Variants in SEPTIN11 observed in about 807,000 individuals in gnomAD.
The protein encoded by SEPTIN11 is septin-11.
SEPTIN11 carries 25 observed loss-of-function variants against 51.4 expected under a neutral mutation model. That is an observed-to-expected ratio of 0.49 (90% CI 0.35 to 0.68). The LOEUF is 0.68. Ranked by LOEUF, SEPTIN11 falls within the 30% of genes least tolerant of loss-of-function variation. The pLI, the probability that SEPTIN11 is intolerant of heterozygous loss-of-function variation, is 0.00. For missense variants in SEPTIN11, 381 were observed against 520.8 expected (o/e 0.73, Z 2.61); for synonymous variants, 174 against 184.1 (o/e 0.95, Z 0.44).
In SEPTIN11 at chr4:77,036,036, T is replaced by G; in HGVS notation, c.*1524T>G. 1.0e-6 allele frequency: 1 copy of G among 985,958 alleles called. No individual in the cohort carries two copies. Among genetic ancestry groups the G allele is most frequent in the Non-Finnish European group, 1.2e-6 (1 of 829,976 alleles). 61.1% of individuals were successfully genotyped at this position (985,958 alleles called of 1,614,324 possible). A position where few individuals can be genotyped will look rare whatever the true frequency, so the allele number is the denominator to read the frequency against. ...CCTGACACACACTTTCTTTTTTGAA[T>G]GAGCAAGTCTCCATTTTGATTTCAG... On this transcript the variant is annotated 3_prime_UTR_variant, in exon 10 of 10. Coordinates refer to ENST00000264893, the MANE Select transcript of SEPTIN11 (RefSeq NM_018243.4).
At chr4:76,968,404 C>T (rs1171307264) in intron 1 of SEPTIN11, among the ~76,000 whole-genome samples, 2 of 152,168 alleles carry the variant, frequency 1.3e-5, no homozygotes, top group Non-Finnish European at 2.9e-5. Flanking sequence ...CTTCCCTCTA[C>T]AGCTGAAACC....
chr4:76,999,736 C>T (rs111581844), intron 2 of SEPTIN11, among the ~76,000 whole-genome samples: 1 of 152,118 alleles, frequency 6.6e-6, no homozygotes, highest in East Asian at 1.9e-4. Flanking sequence ...GCTGCTAGAA[C>T]CCATCTCTGT....
At chr4:76,992,747 T>A (rs188192774) in intron 1 of SEPTIN11, among the ~76,000 whole-genome samples, 1 of 152,318 alleles carries the variant, frequency 6.6e-6, no homozygotes, top group African/African-American at 2.4e-5. Context: ...GATTTCATAA[T>A]AAAGACAATG....
chr4:77,022,551 A>G (rs530736037), intron 7 of SEPTIN11, among the ~76,000 whole-genome samples: 4 of 152,310 alleles, frequency 2.6e-5, no homozygotes, highest in African/African-American at 9.6e-5. Flanking sequence ...CATACTGTAA[A>G]TGAATGGGCA....
At chr4:76,995,987 G>C (rs1252774939) in intron 1 of SEPTIN11, 1 of 1,504,266 alleles carries the variant, frequency 6.6e-7, no homozygotes. Flanking sequence ...CCTCCACTGT[G>C]AGCTTTTCAA....
chr4:77,020,203 T>C (rs1171048774), intron 6 of SEPTIN11, among the ~76,000 whole-genome samples: 1 of 152,158 alleles, frequency 6.6e-6, no homozygotes, highest in South Asian at 2.1e-4. Context: ...AGTCATGACA[T>C]CTAGTTGGCA....
At chr4:76,955,685 G>A (rs1238641066) in intron 1 of SEPTIN11, among the ~76,000 whole-genome samples, 3 of 152,210 alleles carry the variant, frequency 2.0e-5, no homozygotes, top group South Asian at 2.1e-4. Context: ...CAATAGGAGA[G>A]TTGAGAAACG....
rs1403026630 is a variant in SEPTIN11, at chr4:77,016,615, CATATATATATATATACACATATAT to C, written c.687+1614_687+1637del. 8.1e-4 allele frequency among the ~76,000 whole-genome samples: 64 copies of C among 79,138 alleles called. 1 individual carries two copies. The highest frequency in any genetic ancestry group is 2.3e-3 in the South Asian group (5 of 2,180). The allele number at this position is 79,138 out of a possible 152,430, so 51.9% of individuals were successfully genotyped here. A position where few individuals can be genotyped will look rare whatever the true frequency, so the allele number is the denominator to read the frequency against. Reference sequence around the variant, plus strand: ...ATACACACACATATATATATATACACATATATATATATATACACATATATATATATATATATATATACACATATA... The same window carrying C: ...ATACACACACATATATATATATACACATATATATATATATATACACATATA... On this transcript the variant is annotated intron_variant, in intron 5 of 9. Coordinates refer to ENST00000264893, the MANE Select transcript of SEPTIN11 (RefSeq NM_018243.4).
intron 1 of SEPTIN11, among the ~76,000 whole-genome samples, chr4:76,985,310 G>C (rs931675955): frequency 2.6e-5 from 4 of 152,226 alleles, no homozygotes; most frequent in Non-Finnish European, 4.4e-5. Flanking sequence ...AGAAAAAAGT[G>C]CTCTAGCTTT....
At chr4:76,975,351 T>C (rs1722447202) in intron 1 of SEPTIN11, among the ~76,000 whole-genome samples, 1 of 152,150 alleles carries the variant, frequency 6.6e-6, no homozygotes, top group African/African-American at 2.4e-5. Context: ...TGGTATACTT[T>C]CTACAAACAT....
chr4:76,996,606 G>A, intron 2 of SEPTIN11, 67 bp downstream of exon 2: 2 of 1,122,772 alleles, frequency 1.8e-6, no homozygotes, highest in Non-Finnish European at 1.3e-6. Context: ...CTGTCGGAGA[G>A]ACATGCTTCA....
intron 1 of SEPTIN11, among the ~76,000 whole-genome samples, chr4:76,967,233 T>G (rs1021543622): frequency 6.6e-6 from 1 of 152,186 alleles, no homozygotes; most frequent in African/African-American, 2.4e-5. Context: ...CTGATGTAGC[T>G]ATAACATTAA....
At chr4:76,996,310 C>T in intron 1 of SEPTIN11, 115 bp from the exon 2 acceptor site, 1 of 783,440 alleles carries the variant, frequency 1.3e-6, no homozygotes. Flanking sequence ...TGTGGAGGGT[C>T]TCCTTTTTCC....
chr4:76,975,805 C>T (rs1221941922), intron 1 of SEPTIN11, among the ~76,000 whole-genome samples: 3 of 152,230 alleles, frequency 2.0e-5, no homozygotes. Flanking sequence ...CTCTCTGTAT[C>T]TTTACCTTCA....
At chr4:77,016,611 T>TATATATATATAC (rs1553975016) in intron 5 of SEPTIN11, among the ~76,000 whole-genome samples, 13 of 82,886 alleles carry the variant, frequency 1.6e-4, no homozygotes, top group African/African-American at 6.0e-4. Context: ...TATATATATA[T>TATATATATATAC]ACACATATAT....
chr4:76,982,286 T>C (rs1435216718), intron 1 of SEPTIN11, among the ~76,000 whole-genome samples: 1 of 151,852 alleles, frequency 6.6e-6, no homozygotes. Flanking sequence ...TCTTGGCTCA[T>C]TGTAACCTCC....
At chr4:77,007,867 G>A (rs1159197498) in intron 3 of SEPTIN11, among the ~76,000 whole-genome samples, 1 of 152,236 alleles carries the variant, frequency 6.6e-6, no homozygotes, top group Non-Finnish European at 1.5e-5. Flanking sequence ...CCTCCCTCAA[G>A]AAACTGGAAG....
chr4:76,995,463 A>G (rs1015152088), intron 1 of SEPTIN11, among the ~76,000 whole-genome samples: 2 of 151,706 alleles, frequency 1.3e-5, no homozygotes, highest in Non-Finnish European at 2.9e-5. Context: ...CCTGGACTCC[A>G]GTATTTTGAA....
chr4:76,966,174 T>G (rs1288617711), intron 1 of SEPTIN11, among the ~76,000 whole-genome samples: 1 of 152,046 alleles, frequency 6.6e-6, no homozygotes, highest in African/African-American at 2.4e-5. Flanking sequence ...GTGGAGAGAG[T>G]AAGTAGTTGG....
Sources: gnomAD v4.1 joint callset for allele counts (sites outside exome capture counted in the v4.1 genomes callset) on GRCh38, gnomAD v4.1.1 for gene constraint, MANE v1.5 for transcripts, NCBI Gene and HGNC (gene_info 2026-07-23, HGNC 2026-07-21) for gene names.